Variants in TIAM1 observed in about 807,000 individuals in gnomAD.
TIAM1 encodes the protein rho guanine nucleotide exchange factor TIAM1.
In TIAM1, 65 loss-of-function variants were observed where a neutral mutation model predicts 163.5. The observed-to-expected ratio is 0.40, with a 90% confidence interval of 0.33 to 0.49. TIAM1 has a LOEUF of 0.49. TIAM1 is among the 20% of genes least tolerant of loss of function. TIAM1 has a pLI of 0.77. For synonymous variants in TIAM1, 833 were observed against 810.1 expected, an observed-to-expected ratio of 1.03 and a Z score of -0.48; for missense variants, 1,789 against 2,044.7, an observed-to-expected ratio of 0.87 and a Z score of 2.41.
chr21:31,323,958 T>C (rs547183131), intron 2 of TIAM1, among the ~76,000 whole-genome samples: 4 of 149,830 alleles, frequency 2.7e-5, no homozygotes, highest in East Asian at 3.9e-4. Context: ...CAGTGAGCTA[T>C]GATCACACCA....
chr21:31,536,100 C>CG (rs2048125888), intron 1 of TIAM1, among the ~76,000 whole-genome samples: 1 of 152,188 alleles, frequency 6.6e-6, no homozygotes, highest in South Asian at 2.1e-4. Flanking sequence ...GCAGAGAGGC[C>CG]GGGGGTTGAT....
intron 1 of TIAM1, among the ~76,000 whole-genome samples, chr21:31,538,081 A>C (rs1381115307): frequency 6.6e-6 from 1 of 152,224 alleles, no homozygotes; most frequent in East Asian, 1.9e-4. Context: ...GTTGCCCTGA[A>C]GGGGGCGCAA....
At chr21:31,377,033 C>CTTTTTTTTTT (rs35487868) in intron 2 of TIAM1, among the ~76,000 whole-genome samples, 4 of 80,946 alleles carry the variant, frequency 4.9e-5, no homozygotes, top group Non-Finnish European at 6.9e-5. Context: ...TCATTTTTGT[C>CTTTTTTTTTT]TTTTTTTTTT....
chr21:31,311,499 G>A (rs2074929286), intron 2 of TIAM1, among the ~76,000 whole-genome samples: 1 of 152,136 alleles, frequency 6.6e-6, no homozygotes, highest in Admixed American at 6.5e-5. Flanking sequence ...TCTGACACCT[G>A]GGTCTAAGCA....
Position 31,136,004 on chromosome 21 carries a change from G to C in TIAM1, c.3812C>G (p.Thr1271Ser), listed in dbSNP as rs985700938. ...CGGCGGGTTCAGCCAGATCACGGTA[G>C]TGTGCAAAAGCAGGTCTCCCATGCT... ...DLSMGDLLLH[T>S]TVIWLNPPAS... The change falls in exon 23 of 28, where the codon ACT (threonine) becomes AGT (serine). Residue 1271 changes from threonine to serine, a missense_variant. Thr to Ser is a moderately conservative substitution (Grantham distance 58). Coordinates refer to ENST00000541036, the MANE Select transcript of TIAM1 (RefSeq NM_001353694.2). The C allele has an allele frequency of 3.5e-5, 56 of 1,614,066 alleles. No homozygotes were observed. The highest frequency in any genetic ancestry group is 1.1e-4 in the South Asian group (10 of 91,088).
intron 1 of TIAM1, among the ~76,000 whole-genome samples, chr21:31,466,339 G>A (rs1569356032): frequency 6.6e-6 from 1 of 152,180 alleles, no homozygotes; most frequent in African/African-American, 2.4e-5. Context: ...TCCTGCTGAA[G>A]GCAGGTTGAC....
intron 6 of TIAM1, among the ~76,000 whole-genome samples, chr21:31,231,173 C>A (rs995830442): frequency 1.3e-5 from 2 of 152,138 alleles, no homozygotes; most frequent in Non-Finnish European, 1.5e-5. Context: ...TGCCTGGATC[C>A]ATAAGAGTCT....
chr21:31,436,457 T>C (rs1236108865), intron 2 of TIAM1, among the ~76,000 whole-genome samples: 1 of 151,870 alleles, frequency 6.6e-6, no homozygotes, highest in Admixed American at 6.6e-5. Context: ...TGAAACCCCA[T>C]CTCAACTAAA....
rs375165171 is a variant in TIAM1 at position 31,182,412 on chromosome 21, C to A, written c.2887+9G>T. ...TCAGACTCGCCCCCAGCACCCTGCA[C>A]AGCCATACCTGGGTTGCTGGTGAGA... On this transcript the variant is annotated intron_variant, in intron 15 of 27. Coordinates refer to ENST00000541036, the MANE Select transcript of TIAM1 (RefSeq NM_001353694.2). The A allele has an allele frequency of 6.5e-7, 1 of 1,541,708 alleles. No individual in the cohort carries two copies. The highest frequency in any genetic ancestry group is 1.4e-5 in the African/African-American group (1 of 72,748).
chr21:31,418,622 T>A (rs537979812), intron 2 of TIAM1, among the ~76,000 whole-genome samples: 104 of 152,172 alleles, frequency 6.8e-4, no homozygotes, highest in African/African-American at 2.5e-3. Context: ...CCACAGAAGC[T>A]ATTAGAAAGG....
At chr21:31,228,220 TAAAAAA>T (rs71191197) in intron 6 of TIAM1, among the ~76,000 whole-genome samples, 13 of 16,254 alleles carry the variant, frequency 8.0e-4, no homozygotes, top group African/African-American at 1.7e-3. Flanking sequence ...CTCCTTTTTT[TAAAAAA>T]AAAAAAAAAA....
At chr21:31,179,719 A>AAG (rs1404871325) in intron 15 of TIAM1, among the ~76,000 whole-genome samples, 2 of 152,084 alleles carry the variant, frequency 1.3e-5, no homozygotes, top group Non-Finnish European at 1.5e-5. Flanking sequence ...CACCACACAA[A>AAG]AGACCAGACA....
At chr21:31,193,789 T>C (rs2085687723) in intron 13 of TIAM1, among the ~76,000 whole-genome samples, 1 of 152,098 alleles carries the variant, frequency 6.6e-6, no homozygotes, top group East Asian at 1.9e-4. Flanking sequence ...CACCGGTGAG[T>C]GCCGGCAGTG....
At chr21:31,500,791 C>A (rs2284538) in intron 1 of TIAM1, among the ~76,000 whole-genome samples, 15,625 of 152,174 alleles carry the variant, frequency 0.1, 1,724 homozygotes, top group East Asian at 0.61. Flanking sequence ...ACGGAGCCGT[C>A]AGAATGAACC....
At chr21:31,213,217 T>C in intron 10 of TIAM1, 181 bp downstream of exon 10, 1 of 544,844 alleles carries the variant, frequency 1.8e-6, no homozygotes, top group Non-Finnish European at 3.2e-6. Context: ...CCTCTACCAC[T>C]CAGTTTTAAA....
intron 2 of TIAM1, among the ~76,000 whole-genome samples, chr21:31,366,446 T>G (rs2076505998): frequency 6.6e-6 from 1 of 152,196 alleles, no homozygotes; most frequent in South Asian, 2.1e-4. Context: ...TGATGGGCAA[T>G]GAACACACTC....
chr21:31,321,334 CTGTTTGTTTGTT>C (rs112634900), intron 2 of TIAM1, among the ~76,000 whole-genome samples: 17 of 150,616 alleles, frequency 1.1e-4, no homozygotes, highest in Admixed American at 4.0e-4. Flanking sequence ...CCATGCTCTA[CTGTTTGTTTGTT>C]TGTTTGTTTG....
At chr21:31,133,488 A>G (rs999241108) in intron 23 of TIAM1, among the ~76,000 whole-genome samples, 20 of 152,208 alleles carry the variant, frequency 1.3e-4, no homozygotes, top group African/African-American at 4.6e-4. Flanking sequence ...CTTCTCATAA[A>G]CAGCCCAGGA....
chr21:31,364,660 CATGGATGGACGG>C (rs1233462761), intron 2 of TIAM1, among the ~76,000 whole-genome samples: 3 of 152,050 alleles, frequency 2.0e-5, no homozygotes, highest in South Asian at 4.2e-4. Flanking sequence ...GGCCAGGGAC[CATGGATGGACGG>C]ATGGATGGAT....
Sources: gnomAD v4.1 joint callset for allele counts (sites outside exome capture counted in the v4.1 genomes callset) on GRCh38, gnomAD v4.1.1 for gene constraint, MANE v1.5 for transcripts, NCBI Gene and HGNC (gene_info 2026-07-23, HGNC 2026-07-21) for gene names.